Variants in SRRM4 observed in about 807,000 individuals in gnomAD.
SRRM4 encodes the protein serine/arginine repetitive matrix 4, also known as serine/arginine repetitive matrix protein 4.
Under a neutral mutation model 68.9 loss-of-function variants are expected in SRRM4, and 33 were observed. That is an observed-to-expected ratio of 0.48 (90% CI 0.36 to 0.64). The LOEUF is 0.64. Ranked by LOEUF, SRRM4 falls within the 30% of genes least tolerant of loss-of-function variation. SRRM4 has a pLI of 0.00. For synonymous variants in SRRM4, 318 were observed against 318.8 expected (o/e 1.00, Z 0.03); for missense variants, 817 against 827.1 (o/e 0.99, Z 0.15).
chr12:119,049,603 G>A (rs1953728585), intron 1 of SRRM4, among the ~76,000 whole-genome samples: 1 of 152,160 alleles, frequency 6.6e-6, no homozygotes, highest in Non-Finnish European at 1.5e-5. Flanking sequence ...AATGCATGTG[G>A]AGCTCTTAAT....
chr12:119,152,346 A>C (rs1397510395), intron 10 of SRRM4, among the ~76,000 whole-genome samples: 1 of 152,158 alleles, frequency 6.6e-6, no homozygotes, highest in Non-Finnish European at 1.5e-5. Flanking sequence ...CTAAAAGAAA[A>C]ATTAAGGAAA....
intron 8 of SRRM4, among the ~76,000 whole-genome samples, chr12:119,135,357 G>A (rs1954321623): frequency 1.3e-5 from 2 of 152,172 alleles, no homozygotes; most frequent in South Asian, 4.1e-4. Flanking sequence ...TCCTCTTCTT[G>A]CCTCCAGCCT....
intron 1 of SRRM4, among the ~76,000 whole-genome samples, chr12:119,097,055 C>G (rs1372786279): frequency 6.6e-6 from 1 of 152,232 alleles, no homozygotes; most frequent in Non-Finnish European, 1.5e-5. Context: ...CTCCCTCCAT[C>G]TGTGAAGTGG....
chr12:119,070,896 T>C (rs1953873942), intron 1 of SRRM4, among the ~76,000 whole-genome samples: 1 of 152,178 alleles, frequency 6.6e-6, no homozygotes. Context: ...ATTTCAGAAA[T>C]GCCAGATCTG....
intron 8 of SRRM4, among the ~76,000 whole-genome samples, chr12:119,143,148 T>G (rs189016369): frequency 6.6e-6 from 1 of 152,258 alleles, no homozygotes; most frequent in Admixed American, 6.5e-5. Flanking sequence ...AAGGAATTCC[T>G]GCCTCCCCAG....
intron 8 of SRRM4, among the ~76,000 whole-genome samples, chr12:119,145,121 T>A (rs1348797501): frequency 6.6e-6 from 1 of 152,208 alleles, no homozygotes; most frequent in East Asian, 1.9e-4. Context: ...TTTTCTTTTG[T>A]TTAATCTGAA....
chr12:119,058,636 C>T (rs1358162265), intron 1 of SRRM4, among the ~76,000 whole-genome samples: 4 of 152,142 alleles, frequency 2.6e-5, no homozygotes, highest in Admixed American at 6.5e-5. Flanking sequence ...GAAAATGACA[C>T]GAGCATTCCT....
At chr12:119,049,048 A>G (rs925401370) in intron 1 of SRRM4, among the ~76,000 whole-genome samples, 2 of 152,260 alleles carry the variant, frequency 1.3e-5, no homozygotes, top group African/African-American at 4.8e-5. Context: ...GTAGCAATAA[A>G]TACAGGAAAG....
intron 1 of SRRM4, among the ~76,000 whole-genome samples, chr12:118,983,379 ACAC>A (rs2135986108): frequency 6.6e-6 from 1 of 152,262 alleles, no homozygotes; most frequent in East Asian, 1.9e-4. Context: ...GAAGGAGGGG[ACAC>A]CCACCCACCC....
At chr12:119,087,903 G>C (rs931381804) in intron 1 of SRRM4, among the ~76,000 whole-genome samples, 1 of 152,040 alleles carries the variant, frequency 6.6e-6, no homozygotes, top group African/African-American at 2.4e-5. Context: ...GCACCTCTCT[G>C]AGCCTGTTTT....
intron 1 of SRRM4, among the ~76,000 whole-genome samples, chr12:119,021,742 C>G (rs1742925381): frequency 6.6e-6 from 1 of 152,238 alleles, no homozygotes; most frequent in South Asian, 2.1e-4. Context: ...ATCCATGTCT[C>G]TGCCAAAGAC....
chr12:119,096,435 GCTCATGGGTTT>G (rs1954045167), intron 1 of SRRM4, among the ~76,000 whole-genome samples: 1 of 152,146 alleles, frequency 6.6e-6, no homozygotes, highest in Non-Finnish European at 1.5e-5. Flanking sequence ...GGTAATGCTG[GCTCATGGGTTT>G]CTTTGAAAAC....
At chr12:119,147,096 T>C (rs572391007) in intron 9 of SRRM4, among the ~76,000 whole-genome samples, 154 of 152,314 alleles carry the variant, frequency 1.0e-3, no homozygotes, top group Admixed American at 2.1e-3. Context: ...ACATAAATTA[T>C]GATACGTCCA....
rs185017769 is a variant in SRRM4 at position 119,025,955 on chromosome 12, G to A, written c.131+43942G>A. On this transcript the variant is annotated intron_variant, in intron 1 of 12. Coordinates refer to ENST00000267260, the MANE Select transcript of SRRM4 (RefSeq NM_194286.4). ...CTTAAACCAAAGTTGGCCATCAGTGGAGTCCTATGTGTCCCTGCCTTAGAG... is the reference window on the plus strand; with the variant it reads ...CTTAAACCAAAGTTGGCCATCAGTGAAGTCCTATGTGTCCCTGCCTTAGAG... Among the ~76,000 whole-genome samples, 445 of 152,202 alleles carry A rather than the reference G, an allele frequency of 2.9e-3. 11 individuals are homozygous for A. Among genetic ancestry groups the A allele is most frequent in the Middle Eastern group, 6.8e-3 (2 of 294 alleles).
chr12:118,996,799 T>G (rs1056209167), intron 1 of SRRM4, among the ~76,000 whole-genome samples: 8 of 152,232 alleles, frequency 5.3e-5, no homozygotes, highest in African/African-American at 1.9e-4. Flanking sequence ...CAGTTTTCTC[T>G]TTCATAAAAC....
chr12:119,069,387 C>T (rs1277341386), intron 1 of SRRM4, among the ~76,000 whole-genome samples: 1 of 152,174 alleles, frequency 6.6e-6, no homozygotes, highest in African/African-American at 2.4e-5. Flanking sequence ...TGAAGTAGCT[C>T]GACCAGCATG....
chr12:119,034,412 C>T (rs1953613066), intron 1 of SRRM4, among the ~76,000 whole-genome samples: 1 of 152,190 alleles, frequency 6.6e-6, no homozygotes, highest in African/African-American at 2.4e-5. Flanking sequence ...CTGGGTGGGG[C>T]ATCCCGGTCT....
chr12:119,053,552 G>T (rs536922830), intron 1 of SRRM4, among the ~76,000 whole-genome samples: 5 of 152,248 alleles, frequency 3.3e-5, no homozygotes, highest in East Asian at 3.9e-4. Flanking sequence ...TCAATTAAAC[G>T]CAGATAATAA....
intron 1 of SRRM4, among the ~76,000 whole-genome samples, chr12:119,053,564 T>G (rs557153916): frequency 4.9e-4 from 74 of 152,314 alleles, no homozygotes; most frequent in Admixed American, 4.1e-3. Context: ...AGATAATAAA[T>G]TTCCTATCTT....
Sources: gnomAD v4.1 joint callset for allele counts (sites outside exome capture counted in the v4.1 genomes callset) on GRCh38, gnomAD v4.1.1 for gene constraint, MANE v1.5 for transcripts, NCBI Gene and HGNC (gene_info 2026-07-23, HGNC 2026-07-21) for gene names.